Variants in FAM178B observed in about 807,000 individuals in gnomAD.
FAM178B encodes the protein protein FAM178B.
Under a neutral mutation model 91.7 loss-of-function variants are expected in FAM178B, and 82 were observed. That is an observed-to-expected ratio of 0.89 (90% CI 0.75 to 1.07). The LOEUF (loss-of-function observed/expected upper bound fraction) is 1.07. Among genes scored for constraint, FAM178B ranks in the 50% least tolerant of loss-of-function variants. The probability of loss-of-function intolerance (pLI) is 0.00; values close to 1 mark genes in which losing one functional copy is unlikely to be tolerated. For missense variants in FAM178B, 769 were observed against 846.7 expected (o/e 0.91, Z 1.14); for synonymous variants, 368 against 359.4 (o/e 1.02, Z -0.27).
At chr2:96,960,543 T>A in intron 5 of FAM178B, 103 bp from the exon 6 acceptor site, 1 of 1,335,756 alleles carries the variant, frequency 7.5e-7, no homozygotes, top group South Asian at 1.5e-5. Context: ...ACGGGCTCCC[T>A]GCCTTGCAGT....
chr2:96,905,419 G>A (rs893533777), intron 12 of FAM178B, among the ~76,000 whole-genome samples: 2 of 151,678 alleles, frequency 1.3e-5, no homozygotes, highest in Admixed American at 6.6e-5. Flanking sequence ...TTAGCTGGGC[G>A]TGGTGGCACA....
chr2:96,947,894 TG>T lies in FAM178B; in HGVS notation c.1001del (p.Thr334AsnfsTer73). ...CTCCCAAAGATGTTTCTGGAGGCCA[TG>T]TCAGCAGCTAGGTGGAAAAAAAAAA... ...SLLQWLFQLL[T>X]WPPETSLGAF... On this transcript the variant is annotated frameshift_variant, in exon 8 of 17. Transcript: ENST00000490605. LOFTEE classifies it high-confidence loss of function. 1 of 1,536,390 alleles carries T rather than the reference TG, an allele frequency of 6.5e-7. No homozygotes were observed. Among genetic ancestry groups the T allele is most frequent in the Middle Eastern group, 1.7e-4 (1 of 5,938 alleles).
intron 12 of FAM178B, among the ~76,000 whole-genome samples, chr2:96,910,210 CT>C (rs1308669998): frequency 6.6e-6 from 1 of 152,110 alleles, no homozygotes; most frequent in Non-Finnish European, 1.5e-5. Context: ...AGAGAATAAC[CT>C]GGAGGAGCAC....
At chr2:96,949,071 T>A (rs1189504171) in intron 7 of FAM178B, among the ~76,000 whole-genome samples, 2 of 152,082 alleles carry the variant, frequency 1.3e-5, no homozygotes, top group African/African-American at 4.8e-5. Context: ...AACAAGAACA[T>A]ACATTCATTG....
intron 8 of FAM178B, among the ~76,000 whole-genome samples, chr2:96,931,986 G>T (rs1243358596): frequency 6.6e-6 from 1 of 152,100 alleles, no homozygotes; most frequent in Non-Finnish European, 1.5e-5. Flanking sequence ...TGGAAAGAGA[G>T]AACTGTTCAC....
intron 13 of FAM178B, among the ~76,000 whole-genome samples, chr2:96,895,788 T>C (rs1212110894): frequency 6.6e-6 from 1 of 152,204 alleles, no homozygotes; most frequent in Non-Finnish European, 1.5e-5. Context: ...CCTCTTGAGC[T>C]TAGCCTGGCT....
chr2:96,981,394 C>G (rs777125036), intron 1 of FAM178B, among the ~76,000 whole-genome samples: 1 of 152,182 alleles, frequency 6.6e-6, no homozygotes, highest in African/African-American at 2.4e-5. Context: ...TCATTTCACT[C>G]TATTAATGGT....
intron 16 of FAM178B, among the ~76,000 whole-genome samples, 160 bp from the exon 17 acceptor site, chr2:96,876,468 C>T (rs1239868219): frequency 2.6e-5 from 4 of 152,206 alleles, no homozygotes; most frequent in Non-Finnish European, 4.4e-5. Flanking sequence ...GGCGAGGACA[C>T]AGCGGTCATC....
intron 13 of FAM178B, among the ~76,000 whole-genome samples, chr2:96,899,182 C>T (rs1028595424): frequency 3.9e-5 from 6 of 152,226 alleles, no homozygotes; most frequent in African/African-American, 9.6e-5. Context: ...TCCCTCCAGT[C>T]GCCATGAATC....
At chr2:96,899,327 C>T (rs577928801) in intron 13 of FAM178B, among the ~76,000 whole-genome samples, 1 of 152,242 alleles carries the variant, frequency 6.6e-6, no homozygotes, top group Admixed American at 6.5e-5. Context: ...GACTTGCTCA[C>T]CCCTCTCTTC....
chr2:96,947,066 C>T (rs746226418), intron 8 of FAM178B, among the ~76,000 whole-genome samples: 10 of 152,178 alleles, frequency 6.6e-5, no homozygotes, highest in South Asian at 2.1e-4. Context: ...GGGGCAGAGG[C>T]GGGGTCTGAC....
At chr2:96,960,542 C>CCTCTA in intron 5 of FAM178B, 102 bp from the exon 6 acceptor site, 2 of 1,361,622 alleles carry the variant, frequency 1.5e-6, no homozygotes, top group Non-Finnish European at 9.8e-7. Flanking sequence ...CACGGGCTCC[C>CCTCTA]TGCCTTGCAG....
At chr2:96,976,070 T>C (rs2082283740) in intron 1 of FAM178B, among the ~76,000 whole-genome samples, 1 of 152,002 alleles carries the variant, frequency 6.6e-6, no homozygotes, top group Non-Finnish European at 1.5e-5. Context: ...ATAGACCATA[T>C]GGTATATGAT....
Position 96,885,614 on chromosome 2 carries a change from C to T in FAM178B, c.1777-7121G>A, listed in dbSNP as rs574120730. Among the ~76,000 whole-genome samples, 11 of 152,330 alleles carry T rather than the reference C, an allele frequency of 7.2e-5. No individual in the cohort carries two copies. In the South Asian group the frequency reaches 1.4e-3, roughly 20 times the overall value. On this transcript the variant is annotated intron_variant, in intron 14 of 16. Transcript: ENST00000490605. The stretch of plus-strand genomic sequence containing the variant: ...AGCGTCTCCCCATTCCTCCATCCGC[C>T]GGCTGGTGGCAGGAGCCAAGGCACT...
At chr2:96,928,998 A>T (rs1289731695) in intron 9 of FAM178B, among the ~76,000 whole-genome samples, 1 of 152,054 alleles carries the variant, frequency 6.6e-6, no homozygotes, top group Non-Finnish European at 1.5e-5. Flanking sequence ...CCTCTACAAA[A>T]AATTAAAAAA....
chr2:96,881,886 G>T (rs943312598), intron 14 of FAM178B, among the ~76,000 whole-genome samples: 2 of 152,108 alleles, frequency 1.3e-5, no homozygotes, highest in Admixed American at 1.3e-4. Flanking sequence ...ACCTGCCACT[G>T]CCTGGAGGCT....
intron 9 of FAM178B, among the ~76,000 whole-genome samples, chr2:96,928,136 G>A (rs1323631678): frequency 2.0e-5 from 3 of 152,162 alleles, no homozygotes; most frequent in African/African-American, 7.2e-5. Flanking sequence ...CACTTTCCAT[G>A]CAGAGGAACA....
At chr2:96,881,519 T>C (rs1007409826) in intron 14 of FAM178B, among the ~76,000 whole-genome samples, 8 of 151,138 alleles carry the variant, frequency 5.3e-5, no homozygotes, top group Non-Finnish European at 1.2e-4. Flanking sequence ...ACTGGCCTGC[T>C]CCACCCATGG....
rs560632099 is a variant in FAM178B at position 96,877,358 on chromosome 2, G to A, written c.2007+532C>T. 1.5e-4 allele frequency among the ~76,000 whole-genome samples: 23 copies of A among 151,576 alleles called. No homozygotes were observed. The South Asian group carries it at 2.5e-3, about 17-fold the overall frequency. On this transcript the variant is annotated intron_variant, in intron 16 of 16. Coordinates refer to ENST00000490605, the MANE Select transcript of FAM178B (RefSeq NM_001122646.3). ...TTTCTTTGCATTTCCTGAGGACTGC[G>A]CTTCTCTGTGTCCCCTTCCCTCCGC...
Sources: gnomAD v4.1 joint callset for allele counts (sites outside exome capture counted in the v4.1 genomes callset) on GRCh38, gnomAD v4.1.1 for gene constraint, MANE v1.5 for transcripts, NCBI Gene and HGNC (gene_info 2026-07-23, HGNC 2026-07-21) for gene names.